The following ESR1 variants were observed in gnomAD, a reference collection of about 807,000 sequenced individuals.
The protein encoded by ESR1 is estrogen receptor.
In ESR1, 12 loss-of-function variants were observed where a neutral mutation model predicts 52.7. The ratio of observed to expected loss-of-function variants is 0.23; its 90% CI spans 0.15 to 0.37. The LOEUF (loss-of-function observed/expected upper bound fraction) is 0.37. Ranked by LOEUF, ESR1 falls within the 10% of genes least tolerant of loss-of-function variation. The pLI, the probability that ESR1 is intolerant of heterozygous loss-of-function variation, is 1.00. For missense variants in ESR1, 584 were observed against 779.7 expected, an observed-to-expected ratio of 0.75 and a Z score of 2.99; for synonymous variants, 305 against 316.8, an observed-to-expected ratio of 0.96 and a Z score of 0.39.
At chr6:151,811,157 A>G (rs1462480965) in intron 1 of ESR1, 1 of 152,212 alleles carries the variant, frequency 6.6e-6, no homozygotes, top group Non-Finnish European at 1.5e-5. Flanking sequence ...GTGTGAAGAA[A>G]TGTAATAGAT....
chr6:151,879,032 A>T (rs1419666323), intron 2 of ESR1, among the ~76,000 whole-genome samples: 3 of 152,130 alleles, frequency 2.0e-5, no homozygotes, highest in Non-Finnish European at 4.4e-5. Flanking sequence ...ATGGACATGC[A>T]CTAGATTGTC....
intron 4 of ESR1, among the ~76,000 whole-genome samples, chr6:151,999,278 G>A (rs1358188524): frequency 6.6e-6 from 1 of 151,804 alleles, no homozygotes; most frequent in East Asian, 1.9e-4. Context: ...CTATTTTAAG[G>A]CTTGCATTTA....
chr6:151,806,530 GTATATATA>G (rs56020486), upstream of ESR1, among the ~76,000 whole-genome samples: 187 of 96,444 alleles, frequency 1.9e-3, 1 homozygote, highest in African/African-American at 4.5e-3. Context: ...TCCTTAATAT[GTATATATA>G]TATATATATA....
chr6:152,083,149 A>G (rs887461728), intron 6 of ESR1, among the ~76,000 whole-genome samples: 2 of 152,240 alleles, frequency 1.3e-5, no homozygotes, highest in African/African-American at 4.8e-5. Context: ...AAGAGCCTGC[A>G]TAGCCAAGAC....
chr6:151,779,220 T>C (rs1786296897), intron 2 of ESR1, among the ~76,000 whole-genome samples: 1 of 152,274 alleles, frequency 6.6e-6, no homozygotes, highest in South Asian at 2.1e-4. Flanking sequence ...GTTTTTATGG[T>C]TTTAGGTCTT....
At chr6:151,901,717 G>A (rs1796724198) in intron 3 of ESR1, among the ~76,000 whole-genome samples, 1 of 152,218 alleles carries the variant, frequency 6.6e-6, no homozygotes, top group African/African-American at 2.4e-5. Context: ...ATTCCCCAGT[G>A]AGGGTGTGTG....
intron 6 of ESR1, among the ~76,000 whole-genome samples, chr6:152,089,251 A>G (rs748648917): frequency 1.3e-5 from 2 of 152,232 alleles, no homozygotes; most frequent in Non-Finnish European, 2.9e-5. Flanking sequence ...TTTATTTTAA[A>G]ACATATAGGA....
chr6:152,057,889 C>G (rs2047230629), intron 5 of ESR1, among the ~76,000 whole-genome samples: 1 of 152,132 alleles, frequency 6.6e-6, no homozygotes, highest in African/African-American at 2.4e-5. Flanking sequence ...AAAATACACT[C>G]TTGCTGGAAG....
chr6:152,050,058 C>A (rs146243792), intron 5 of ESR1, among the ~76,000 whole-genome samples: 2 of 152,228 alleles, frequency 1.3e-5, no homozygotes, highest in African/African-American at 2.4e-5. Flanking sequence ...TGTTGGTCGG[C>A]TTCCTTTCAT....
At chr6:151,849,885 G>T (rs1443637898) in intron 2 of ESR1, among the ~76,000 whole-genome samples, 2 of 148,394 alleles carry the variant, frequency 1.3e-5, no homozygotes, top group African/African-American at 5.0e-5. Context: ...TTGCTCCTCA[G>T]CTCTCTAAAG....
chr6:151,761,076 G>T (rs549265053), intron 2 of ESR1, among the ~76,000 whole-genome samples: 92 of 151,786 alleles, frequency 6.1e-4, no homozygotes, highest in African/African-American at 2.2e-3. Flanking sequence ...AGAAATAGTG[G>T]CTGGGCGAAG....
intron 6 of ESR1, among the ~76,000 whole-genome samples, chr6:152,072,055 G>C (rs1562753223): frequency 6.6e-6 from 1 of 150,386 alleles, no homozygotes; most frequent in Non-Finnish European, 1.5e-5. Flanking sequence ...TGAGACAGAG[G>C]AGAGTTATGG....
intron 1 of ESR1, among the ~76,000 whole-genome samples, chr6:151,832,416 A>C (rs574294066): frequency 6.6e-6 from 1 of 152,180 alleles, no homozygotes; most frequent in African/African-American, 2.4e-5. Context: ...TACAAAATAA[A>C]TACATACAAA....
At chr6:152,078,761 T>C (rs567602247) in intron 6 of ESR1, among the ~76,000 whole-genome samples, 9 of 152,258 alleles carry the variant, frequency 5.9e-5, no homozygotes, top group African/African-American at 2.2e-4. Context: ...AACAGTACAC[T>C]CCTGACAAAA....
At chr6:151,897,802 G>A (rs1795788266) in intron 3 of ESR1, among the ~76,000 whole-genome samples, 1 of 152,128 alleles carries the variant, frequency 6.6e-6, no homozygotes, top group Admixed American at 6.5e-5. Context: ...ACACATTAAG[G>A]AGGTTCTGTT....
chr6:152,004,357 G>A (rs973432691), intron 4 of ESR1, among the ~76,000 whole-genome samples: 1 of 152,018 alleles, frequency 6.6e-6, no homozygotes, highest in Non-Finnish European at 1.5e-5. Flanking sequence ...CCAAGCAACA[G>A]TTGGGCAGAC....
intron 3 of ESR1, among the ~76,000 whole-genome samples, chr6:151,898,293 A>G (rs1403569957): frequency 6.6e-6 from 1 of 151,912 alleles, no homozygotes; most frequent in African/African-American, 2.4e-5. Flanking sequence ...ATGTTTTCCA[A>G]ACTTTTAGAT....
intron 5 of ESR1, among the ~76,000 whole-genome samples, chr6:152,018,324 G>GC (rs1359111971): frequency 2.7e-5 from 4 of 147,538 alleles, no homozygotes; most frequent in Non-Finnish European, 4.5e-5. Flanking sequence ...AAAAAAAAAT[G>GC]CCCAAAAATC....
intron 3 of ESR1, among the ~76,000 whole-genome samples, chr6:151,881,864 T>C (rs893307120): frequency 1.3e-5 from 2 of 150,358 alleles, no homozygotes; most frequent in African/African-American, 4.9e-5. Context: ...GCCTGGGTGA[T>C]AGAGTGAGAC....
Sources: allele counts gnomAD v4.1 joint callset (sites outside exome capture counted in the v4.1 genomes callset), GRCh38; gene constraint gnomAD v4.1.1; transcripts MANE v1.5; gene names NCBI Gene and HGNC (gene_info 2026-07-23, HGNC 2026-07-21).